The following MET variants were observed in gnomAD, a reference collection of about 807,000 sequenced individuals.
MET encodes MET proto-oncogene, receptor tyrosine kinase.
A neutral mutation model predicts 133.1 loss-of-function variants in MET; 48 were observed. The observed-to-expected ratio is 0.36, with a 90% CI of 0.29 to 0.46. The LOEUF is 0.46. Ranked by LOEUF, MET falls within the 20% of genes least tolerant of loss-of-function variation. The pLI is 1.00. For missense variants in MET, 1,442 were observed against 1,695.9 expected, an observed-to-expected ratio of 0.85 and a Z score of 2.63; for synonymous variants, 628 against 616.5, an observed-to-expected ratio of 1.02 and a Z score of -0.28.
chr7:116,693,105 G>T lies in MET; in HGVS notation c.-14-5966G>T, dbSNP rs78689264. On this transcript the variant is annotated intron_variant, in intron 1 of 20. Coordinates refer to ENST00000397752, the MANE Select transcript of MET (RefSeq NM_000245.4). ...TAAAATGCTCACACAGCCAGATCTG[G>T]CAAGTTACATAGATGAGGAAGTGAA... Among the ~76,000 whole-genome samples the T allele has an allele frequency of 1.6e-4, 24 of 152,292 alleles. No homozygotes were observed. The East Asian group carries it at 4.2e-3, about 27-fold the overall frequency.
In MET at chr7:116,778,924, A is replaced by T. The variant is rs753101831; in HGVS notation, c.3489A>T (p.Gly1163=). The T allele has an allele frequency of 6.2e-6, 10 of 1,613,972 alleles. No individual in the cohort carries two copies. In the Admixed American group the frequency reaches 1.5e-4, roughly 24 times the overall value. The part of the protein sequence containing the change: ...PLVVLPYMKH[G]DLRNFIRNET... The stretch of plus-strand genomic sequence containing the variant: ...TGGTCCTACCATACATGAAACATGG[A>T]GATCTTCGAAATTTCATTCGAAATG... The change falls in exon 17 of 21, where the codon GGA becomes GGT. Residue 1163 remains glycine, a synonymous_variant. Coordinates refer to ENST00000397752, the MANE Select transcript of MET (RefSeq NM_000245.4).
At chr7:116,728,359 T>C (rs1281669691) in intron 2 of MET, among the ~76,000 whole-genome samples, 2 of 152,202 alleles carry the variant, frequency 1.3e-5, no homozygotes, top group Non-Finnish European at 2.9e-5. Context: ...AGATACTATT[T>C]AGAGATCTCA....
At position 116,789,054 on chromosome 7, in the gene MET, C is replaced by T. The variant is rs544969987; in HGVS notation, c.3798+5585C>T. 6.6e-5 allele frequency among the ~76,000 whole-genome samples: 10 copies of T among 152,318 alleles called. No individual in the cohort carries two copies. The South Asian group carries it at 2.1e-3, about 32-fold the overall frequency. On this transcript the variant is annotated intron_variant, in intron 19 of 20. Transcript: ENST00000397752. ...TGTTCTCAGCCCTTATCTGCCTCAT[C>T]TTTCTGAAGTGTTTAACATTATTGT...
chr7:116,782,762 G>T (rs1354651917), intron 18 of MET, among the ~76,000 whole-genome samples: 1 of 152,192 alleles, frequency 6.6e-6, no homozygotes, highest in Non-Finnish European at 1.5e-5. Flanking sequence ...AGCGGAAATT[G>T]ATTTTTGTTG....
At chr7:116,727,869 A>G (rs1415832639) in intron 2 of MET, among the ~76,000 whole-genome samples, 3 of 152,212 alleles carry the variant, frequency 2.0e-5, no homozygotes, top group Admixed American at 6.5e-5. Context: ...AATCAGACTG[A>G]GATTTAGTCA....
intron 1 of MET, chr7:116,695,870 T>A (rs977293915): frequency 2.4e-6 from 1 of 410,110 alleles, no homozygotes; most frequent in African/African-American, 2.1e-5. Flanking sequence ...CTTCATCTTG[T>A]CCTCTGGTCC....
intron 1 of MET, among the ~76,000 whole-genome samples, chr7:116,691,762 G>A (rs1403388670): frequency 6.6e-6 from 1 of 152,158 alleles, no homozygotes; most frequent in Non-Finnish European, 1.5e-5. Flanking sequence ...GAATGAAAGA[G>A]GCCCTCTCCC....
intron 19 of MET, among the ~76,000 whole-genome samples, chr7:116,791,612 G>A (rs1795498121): frequency 6.6e-6 from 1 of 151,788 alleles, no homozygotes; most frequent in African/African-American, 2.4e-5. Flanking sequence ...AATTGTTCGA[G>A]TTCTCTGTAT....
At chr7:116,718,116 C>T (rs1792316950) in intron 2 of MET, among the ~76,000 whole-genome samples, 1 of 152,088 alleles carries the variant, frequency 6.6e-6, no homozygotes. Context: ...AGGCAGGGCA[C>T]GGTGGCTCAC....
At chr7:116,710,748 G>A (rs1425157972) in intron 2 of MET, among the ~76,000 whole-genome samples, 1 of 151,842 alleles carries the variant, frequency 6.6e-6, no homozygotes, top group Non-Finnish European at 1.5e-5. Context: ...GGGTAACCAT[G>A]GTGTTAACTA....
chr7:116,735,495 C>T (rs1485957477), intron 3 of MET, among the ~76,000 whole-genome samples: 1 of 152,130 alleles, frequency 6.6e-6, no homozygotes, highest in Non-Finnish European at 1.5e-5. Context: ...GTTCCCGTGC[C>T]CCCATCGTGG....
chr7:116,763,160 G>T lies in MET; in HGVS notation c.2475G>T (p.Gly825=), dbSNP rs891908277. 1 of 1,613,962 alleles carries T rather than the reference G, an allele frequency of 6.2e-7. No homozygotes were observed. Among genetic ancestry groups the T allele is most frequent in the Admixed American group, 1.7e-5 (1 of 59,990 alleles). The change falls in exon 11 of 21, where the codon GGG becomes GGT. Residue 825 remains glycine (G), a synonymous_variant. Coordinates refer to ENST00000397752, the MANE Select transcript of MET (RefSeq NM_000245.4). ...LKTKAFFMLD[G]ILSKYFDLIY... ...CCAAAGCCTTTTTCATGTTAGATGG[G>T]ATCCTTTCCAAATACTTTGATCTCA...
intron 17 of MET, among the ~76,000 whole-genome samples, chr7:116,781,555 A>G (rs563191426): frequency 6.6e-6 from 1 of 152,240 alleles, no homozygotes; most frequent in South Asian, 2.1e-4. Flanking sequence ...AATGGGGCAC[A>G]CTTTTTGTTG....
chr7:116,757,670 C>T lies in MET; in HGVS notation c.1998C>T (p.Tyr666=), dbSNP rs566540058. The T allele has an allele frequency of 1.1e-5, 17 of 1,613,776 alleles. No individual in the cohort carries two copies. The African/African-American group carries it at 1.1e-4, about 10-fold the overall frequency. ...DPVITSISPK[Y]GPMAGGTLLT... ...TAATAACAAGTATTTCGCCGAAATA[C>T]GGTCCTATGGCTGGTGGCACTTTAC... Residue 666 remains tyrosine, a synonymous_variant, in exon 8 of 21, where the codon TAC becomes TAT. Coordinates refer to ENST00000397752, the MANE Select transcript of MET (RefSeq NM_000245.4).
intron 3 of MET, 98 bp from the exon 4 acceptor site, chr7:116,739,852 C>T: frequency 6.5e-7 from 1 of 1,536,514 alleles, no homozygotes. Context: ...CACCCACAAG[C>T]CCTGCTAATC....
chr7:116,692,271 T>C (rs1439721481), intron 1 of MET, among the ~76,000 whole-genome samples: 3 of 152,184 alleles, frequency 2.0e-5, no homozygotes, highest in African/African-American at 2.4e-5. Context: ...CATATCTATT[T>C]ACTATAAAGT....
At chr7:116,714,745 GCA>G (rs142954535) in intron 2 of MET, among the ~76,000 whole-genome samples, 2,660 of 144,666 alleles carry the variant, frequency 0.018, 27 homozygotes, top group South Asian at 0.042. Context: ...TCACATGCAC[GCA>G]CACACACACA....
chr7:116,782,276 C>T (rs993613857), intron 18 of MET, among the ~76,000 whole-genome samples, 179 bp downstream of exon 18: 3 of 152,188 alleles, frequency 2.0e-5, no homozygotes, highest in South Asian at 2.1e-4. Flanking sequence ...AGACTTTATC[C>T]AACAGAGAAT....
At chr7:116,786,557 G>A (rs1174196900) in intron 19 of MET, among the ~76,000 whole-genome samples, 1 of 152,174 alleles carries the variant, frequency 6.6e-6, no homozygotes, top group African/African-American at 2.4e-5. Flanking sequence ...AGAGTCCACT[G>A]CTACTCAGTA....
Sources: gnomAD v4.1 joint callset for allele counts (sites outside exome capture counted in the v4.1 genomes callset) on GRCh38, gnomAD v4.1.1 for gene constraint, MANE v1.5 for transcripts, NCBI Gene and HGNC (gene_info 2026-07-23, HGNC 2026-07-21) for gene names.